The following UBR3 variants were observed in gnomAD, a reference collection of about 807,000 sequenced individuals.
UBR3 encodes the protein E3 ubiquitin-protein ligase UBR3.
A neutral mutation model predicts 243.2 loss-of-function variants in UBR3; 85 were observed. The ratio of observed to expected loss-of-function variants is 0.35; its 90% CI spans 0.29 to 0.42. UBR3 has a LOEUF of 0.42. Among genes scored for constraint, UBR3 ranks in the 10% least tolerant of loss-of-function variants. The pLI, the probability that UBR3 is intolerant of heterozygous loss-of-function variation, is 1.00. For synonymous variants in UBR3, 748 were observed against 799.8 expected (o/e 0.94, Z 1.09); for missense variants, 1,686 against 2,300.8 (o/e 0.73, Z 5.47).
At chr2:170,023,827 C>T (rs184790657) in intron 30 of UBR3, among the ~76,000 whole-genome samples, 14 of 152,096 alleles carry the variant, frequency 9.2e-5, no homozygotes, top group African/African-American at 2.7e-4. Context: ...CCACCCACCT[C>T]GGCCTCCCAA....
chr2:169,906,554 A>T (rs1220563269), intron 10 of UBR3, among the ~76,000 whole-genome samples: 1 of 151,776 alleles, frequency 6.6e-6, no homozygotes, highest in East Asian at 1.9e-4. Context: ...AATGTATATT[A>T]TAATATATAA....
At position 170,012,277 on chromosome 2, in the gene UBR3, GA is replaced by G. The variant is rs1162382605; in HGVS notation, c.4368-3001del. Among the ~76,000 whole-genome samples the G allele has an allele frequency of 3.9e-5, 6 of 152,046 alleles. No homozygotes were observed. The South Asian group carries it at 1.2e-3, about 32-fold the overall frequency. ...TAAGGGAATGGAAGAGTTAGGAAAAGAAAGAAAATAAACTGCAAGGGCTAAA... is the reference window on the plus strand; with the variant it reads ...TAAGGGAATGGAAGAGTTAGGAAAAGAAGAAAATAAACTGCAAGGGCTAAA... On this transcript the variant is annotated intron_variant, in intron 29 of 38. Transcript: ENST00000272793.
chr2:170,028,862 A>G (rs191558149), intron 30 of UBR3, among the ~76,000 whole-genome samples: 1 of 152,086 alleles, frequency 6.6e-6, no homozygotes, highest in African/African-American at 2.4e-5. Context: ...TTCTTTATGT[A>G]GAATCCAAAG....
chr2:170,041,092 C>T, intron 32 of UBR3, 107 bp downstream of exon 32: 2 of 1,109,946 alleles, frequency 1.8e-6, no homozygotes, highest in Non-Finnish European at 2.5e-6. Flanking sequence ...CTTGTAATCC[C>T]CGCACTTTAG....
intron 1 of UBR3, among the ~76,000 whole-genome samples, chr2:169,834,601 G>A (rs376109945): frequency 1.3e-4 from 20 of 152,182 alleles, no homozygotes; most frequent in African/African-American, 4.6e-4. Context: ...GCTCTCATAA[G>A]TGAAAAGTTA....
intron 23 of UBR3, among the ~76,000 whole-genome samples, chr2:169,955,721 G>A (rs2087250832): frequency 7.1e-6 from 1 of 140,404 alleles, no homozygotes; most frequent in Non-Finnish European, 1.5e-5. Flanking sequence ...TTGAACCTGG[G>A]AGGCAGAGGT....
chr2:170,046,367 C>T (rs1312222226), intron 32 of UBR3, among the ~76,000 whole-genome samples: 1 of 152,052 alleles, frequency 6.6e-6, no homozygotes, highest in East Asian at 1.9e-4. Flanking sequence ...CTGTGGGTTG[C>T]CTCCCTCCTC....
At chr2:170,064,596 A>T (rs1033205746) in intron 35 of UBR3, among the ~76,000 whole-genome samples, 1 of 151,984 alleles carries the variant, frequency 6.6e-6, no homozygotes, top group Non-Finnish European at 1.5e-5. Context: ...TTCCAGCACT[A>T]TGTACAAATT....
At chr2:169,943,967 T>C (rs949099775) in intron 20 of UBR3, among the ~76,000 whole-genome samples, 7 of 152,200 alleles carry the variant, frequency 4.6e-5, no homozygotes, top group African/African-American at 1.4e-4. Context: ...TTCTAAAGTT[T>C]TCCTGTTACG....
At chr2:169,999,915 TCGG>T (rs2089633015) in intron 26 of UBR3, among the ~76,000 whole-genome samples, 3 of 152,084 alleles carry the variant, frequency 2.0e-5, no homozygotes, top group Non-Finnish European at 4.4e-5. Flanking sequence ...CTCCCTGAGG[TCGG>T]GAGTTCGAGA....
At chr2:169,940,059 T>C (rs2086519750) in intron 19 of UBR3, among the ~76,000 whole-genome samples, 1 of 152,182 alleles carries the variant, frequency 6.6e-6, no homozygotes, top group Non-Finnish European at 1.5e-5. Context: ...TATTTGAAGA[T>C]ACTTCTCTGA....
chr2:169,893,183 T>G (rs1574140395), intron 6 of UBR3, among the ~76,000 whole-genome samples: 1 of 152,218 alleles, frequency 6.6e-6, no homozygotes, highest in East Asian at 1.9e-4. Context: ...TGCTGGAGTT[T>G]TTTTGGTCTG....
intron 1 of UBR3, among the ~76,000 whole-genome samples, chr2:169,862,616 G>A (rs2105303377): frequency 6.6e-6 from 1 of 152,144 alleles, no homozygotes; most frequent in South Asian, 2.1e-4. Flanking sequence ...TTTTCTTAGT[G>A]ATTCTTAGTT....
chr2:170,046,757 T>C (rs1170150308), intron 32 of UBR3, among the ~76,000 whole-genome samples: 1 of 152,176 alleles, frequency 6.6e-6, no homozygotes, highest in African/African-American at 2.4e-5. Flanking sequence ...GTAAAGTTGA[T>C]ATAGGAAAGG....
At chr2:169,875,566 A>G (rs1339356973) in intron 2 of UBR3, among the ~76,000 whole-genome samples, 2 of 152,152 alleles carry the variant, frequency 1.3e-5, no homozygotes, top group Non-Finnish European at 2.9e-5. Flanking sequence ...GTGTTTTTCC[A>G]TCTACTGTTT....
intron 18 of UBR3, among the ~76,000 whole-genome samples, chr2:169,931,090 G>A (rs1330742305): frequency 3.3e-5 from 5 of 152,132 alleles, no homozygotes; most frequent in African/African-American, 4.8e-5. Flanking sequence ...AGTGGCTCAC[G>A]CCTGTAATCC....
rs142987404 is a variant in UBR3, at chr2:169,895,834, C to T, written c.1236+523C>T. Among the ~76,000 whole-genome samples the T allele has an allele frequency of 7.9e-5, 12 of 151,996 alleles. No individual in the cohort carries two copies. In the East Asian group the frequency reaches 1.9e-3, roughly 24 times the overall value. On this transcript the variant is annotated intron_variant, in intron 7 of 38. Transcript: ENST00000272793. ...TCAGAACCCACCTGTTACTATCTTA[C>T]GGTTATGGCAAAATGACGAAGCTCG...
At chr2:169,881,522 T>C (rs1012341081) in intron 5 of UBR3, among the ~76,000 whole-genome samples, 1 of 151,188 alleles carries the variant, frequency 6.6e-6, no homozygotes, top group Non-Finnish European at 1.5e-5. Flanking sequence ...GATCATATTT[T>C]CCAAAGGGAT....
At chr2:169,864,080 C>G (rs889495511) in intron 1 of UBR3, among the ~76,000 whole-genome samples, 2 of 151,898 alleles carry the variant, frequency 1.3e-5, no homozygotes, top group African/African-American at 4.8e-5. Context: ...GGATCTTACT[C>G]TGTCATCCAG....
Sources: gnomAD v4.1 joint callset for allele counts (sites outside exome capture counted in the v4.1 genomes callset) on GRCh38, gnomAD v4.1.1 for gene constraint, MANE v1.5 for transcripts, NCBI Gene and HGNC (gene_info 2026-07-23, HGNC 2026-07-21) for gene names.